The following CSMD2 variants were observed in gnomAD, a reference collection of about 807,000 sequenced individuals.
The protein encoded by CSMD2 is CUB and Sushi multiple domains 2, also known as CUB and sushi domain-containing protein 2.
Under a neutral mutation model 398.5 loss-of-function variants are expected in CSMD2, and 130 were observed. That is an observed-to-expected ratio of 0.33 (90% CI 0.28 to 0.38). The LOEUF is 0.38. Among genes scored for constraint, CSMD2 ranks in the 10% least tolerant of loss-of-function variants. CSMD2 has a pLI of 1.00. For synonymous variants in CSMD2, 1,828 were observed against 1,908.5 expected (o/e 0.96, Z 1.10); for missense variants, 3,829 against 4,764.9 (o/e 0.80, Z 5.78).
intron 9 of CSMD2, among the ~76,000 whole-genome samples, chr1:33,811,636 A>C (rs548223192): frequency 6.6e-6 from 1 of 152,356 alleles, no homozygotes; most frequent in African/African-American, 2.4e-5. Context: ...AAGTAGATAT[A>C]AAGTGTTATC....
chr1:34,134,358 T>C (rs1385192507), intron 1 of CSMD2, among the ~76,000 whole-genome samples: 4 of 152,212 alleles, frequency 2.6e-5, no homozygotes, highest in African/African-American at 4.8e-5. Flanking sequence ...AATATCCCTT[T>C]AGGTTAATTC....
intron 16 of CSMD2, 37 bp downstream of exon 16, chr1:33,726,510 C>G (rs760900552): frequency 6.3e-7 from 1 of 1,583,674 alleles, no homozygotes; most frequent in South Asian, 1.2e-5. Context: ...AAAAATCTCC[C>G]CCTTGCCCTC....
intron 2 of CSMD2, among the ~76,000 whole-genome samples, chr1:34,085,378 C>CAATAATAATAAT (rs60890896): frequency 9.4e-5 from 14 of 149,292 alleles, no homozygotes; most frequent in African/African-American, 3.5e-4. Flanking sequence ...CTTAAAAGTA[C>CAATAATAATAAT]AATAATAATA....
chr1:33,611,149 T>C lies in CSMD2; in HGVS notation c.6235A>G (p.Ser2079Gly). ...AGGGAGCTTGGAAGCTCGCTTCCAC[T>C]GAATCTTCCCATCATGCGGCTGGTC... Reference protein sequence around the residue: ...YETSRMMGRFSGSELPSSLLS... With the variant: ...YETSRMMGRFGGSELPSSLLS... Residue 2079 changes from serine (S) to glycine (G), a missense_variant, in exon 41 of 71, where the codon AGT becomes GGT. By Grantham distance (56) the Ser-to-Gly change is moderately conservative. Around this residue, in one of 5 missense-constraint regions of CSMD2, gnomAD observed 2,001 missense variants for 2,567.1 expected, o/e 0.78. Coordinates refer to ENST00000373381, the MANE Select transcript of CSMD2 (RefSeq NM_001281956.2). 1 of 1,613,988 alleles carries C rather than the reference T, an allele frequency of 6.2e-7. No homozygotes were observed. The highest frequency in any genetic ancestry group is 8.5e-7 in the Non-Finnish European group (1 of 1,179,942).
chr1:33,888,911 G>A (rs1641789952), intron 5 of CSMD2, among the ~76,000 whole-genome samples: 2 of 152,074 alleles, frequency 1.3e-5, no homozygotes, highest in African/African-American at 2.4e-5. Context: ...GGGACTATAG[G>A]CGCCCGCCAC....
intron 5 of CSMD2, among the ~76,000 whole-genome samples, chr1:33,888,025 A>G (rs1304629819): frequency 6.6e-6 from 1 of 152,134 alleles, no homozygotes; most frequent in Non-Finnish European, 1.5e-5. Context: ...TAACAATAAA[A>G]ACTATAAAAG....
At chr1:33,804,975 G>T (rs1157168944) in intron 10 of CSMD2, 3 of 701,348 alleles carry the variant, frequency 4.3e-6, no homozygotes, top group Admixed American at 2.0e-5. Flanking sequence ...GCCCCACAGA[G>T]ATATTAGAAA....
rs1397813878 is a variant in CSMD2, at chr1:33,569,683, G to A, written c.7958-136C>T. The A allele has an allele frequency of 1.5e-5, 13 of 869,576 alleles. No homozygotes were observed. The East Asian group carries it at 3.5e-4, about 23-fold the overall frequency. 53.9% of individuals were successfully genotyped at this position (869,576 alleles called of 1,614,324 possible). On this transcript the variant is annotated intron_variant, in intron 51 of 70. Coordinates refer to ENST00000373381, the MANE Select transcript of CSMD2 (RefSeq NM_001281956.2). ...GGAATTCCTGACCAGAATATGGGTTGTGTTGCTGACTTGTGTGATGTGGCA... is the reference window on the plus strand; with the variant it reads ...GGAATTCCTGACCAGAATATGGGTTATGTTGCTGACTTGTGTGATGTGGCA...
intron 1 of CSMD2, among the ~76,000 whole-genome samples, chr1:34,093,903 G>A (rs1299343491): frequency 6.6e-6 from 1 of 151,638 alleles, no homozygotes; most frequent in East Asian, 1.9e-4. Flanking sequence ...AGGAAATACA[G>A]AGAACGCCAC....
At chr1:33,572,470 C>T (rs774058238) in intron 50 of CSMD2, 36 bp downstream of exon 50, 2 of 1,505,646 alleles carry the variant, frequency 1.3e-6, no homozygotes, top group African/African-American at 2.8e-5. Context: ...CTACCTAGCC[C>T]TTCCTTACAC....
At position 34,138,387 on chromosome 1, in the gene CSMD2, AC is replaced by A. The variant is rs1638960438; in HGVS notation, c.187+26523del. On this transcript the variant is annotated intron_variant, in intron 1 of 70. Transcript: ENST00000373381. ...AATATGTAGAAGTTCAAATCCTGCT[AC>A]ACCACTTGCTGTGTTACTGCAGCCA... 2.0e-5 allele frequency among the ~76,000 whole-genome samples: 3 copies of A among 152,358 alleles called. No individual in the cohort carries two copies. In the South Asian group the frequency reaches 6.2e-4, roughly 32 times the overall value.
intron 12 of CSMD2, among the ~76,000 whole-genome samples, chr1:33,775,353 C>T (rs1025590604): frequency 1.3e-5 from 2 of 152,080 alleles, no homozygotes; most frequent in Non-Finnish European, 2.9e-5. Context: ...GGATATTTTG[C>T]ACTAATATTA....
intron 26 of CSMD2, among the ~76,000 whole-genome samples, chr1:33,659,233 T>C (rs530239142): frequency 1.3e-5 from 2 of 152,130 alleles, no homozygotes; most frequent in South Asian, 4.1e-4. Context: ...AAGGAATACA[T>C]AAATAGGAGA....
At position 34,135,511 on chromosome 1, in the gene CSMD2, G is replaced by A. The variant is rs112220083; in HGVS notation, c.187+29400C>T. 5.8e-3 allele frequency among the ~76,000 whole-genome samples: 867 copies of A among 150,170 alleles called. 9 individuals carry two copies. The highest frequency in any genetic ancestry group is 0.02 in the African/African-American group (828 of 40,866). The stretch of plus-strand genomic sequence containing the variant: ...CACTTGCCTGTAGTCCCAGCTACTC[G>A]GGAGGCTAAGGCAGGAGAATCGCTT... On this transcript the variant is annotated intron_variant, in intron 1 of 70. Transcript: ENST00000373381.
intron 5 of CSMD2, among the ~76,000 whole-genome samples, chr1:33,876,110 A>C (rs1389424657): frequency 6.6e-6 from 1 of 152,178 alleles, no homozygotes; most frequent in Non-Finnish European, 1.5e-5. Context: ...AGTTTACAGA[A>C]ATAAAGAAAT....
rs866390418 is a variant in CSMD2 at position 33,636,646 on chromosome 1, T to A, written c.4775-92A>T. The A allele has an allele frequency of 4.8e-6, 5 of 1,044,454 alleles. No individual in the cohort carries two copies. The Middle Eastern group carries it at 1.0e-3, about 218-fold the overall frequency. The allele number at this position is 1,044,454 out of a possible 1,614,324, so 64.7% of individuals were successfully genotyped here. On this transcript the variant is annotated intron_variant, in intron 29 of 70. Transcript: ENST00000373381. The surrounding 1 kb of genome is among the most constrained non-coding windows in gnomAD (Gnocchi z 4.8). ...CCAGTGCCCATGAGGAGAACCCGAC[T>A]TTAATTAGCCACAGAGCACACGGGG...
intron 3 of CSMD2, among the ~76,000 whole-genome samples, chr1:33,939,785 G>A (rs1028658512): frequency 1.1e-4 from 16 of 152,150 alleles, no homozygotes; most frequent in Admixed American, 1.0e-3. Flanking sequence ...TTTATGCCAA[G>A]CTCCACTCCT....
At chr1:34,032,477 A>T in intron 3 of CSMD2, 117 bp downstream of exon 3, 1 of 613,794 alleles carries the variant, frequency 1.6e-6, no homozygotes. Flanking sequence ...TTGTCAGGAC[A>T]GGCGCAAGCT....
At position 33,636,668 on chromosome 1, in the gene CSMD2, G is replaced by A. The variant is rs555647986; in HGVS notation, c.4775-114C>T. On this transcript the variant is annotated intron_variant, in intron 29 of 70. Coordinates refer to ENST00000373381, the MANE Select transcript of CSMD2 (RefSeq NM_001281956.2). The surrounding 1 kb of genome is among the most constrained non-coding windows in gnomAD (Gnocchi z 4.8). ...GACTTTAATTAGCCACAGAGCACACGGGGATGCGTGACTGTGGCTCCTATT... is the reference window on the plus strand; with the variant it reads ...GACTTTAATTAGCCACAGAGCACACAGGGATGCGTGACTGTGGCTCCTATT... 63 of 772,504 alleles carry A rather than the reference G, an allele frequency of 8.2e-5. No homozygotes were observed. Among genetic ancestry groups the A allele is most frequent in the East Asian group, 4.3e-4 (16 of 37,196 alleles). The allele number at this position is 772,504 out of a possible 1,614,324, so 47.9% of individuals were successfully genotyped here.
Sources: allele counts gnomAD v4.1 joint callset (sites outside exome capture counted in the v4.1 genomes callset), GRCh38; gene constraint gnomAD v4.1.1; regional missense constraint gnomAD v4.1.1; non-coding constraint Gnocchi (gnomAD v3.1); transcripts MANE v1.5; gene names NCBI Gene and HGNC (gene_info 2026-07-23, HGNC 2026-07-21).